Variants in PARM1 observed in about 807,000 individuals in gnomAD.
The protein encoded by PARM1 is prostate androgen-regulated mucin-like protein 1.
PARM1 carries 14 observed loss-of-function variants against 24.6 expected under a neutral mutation model. The ratio of observed to expected loss-of-function variants is 0.57; its 90% confidence interval spans 0.38 to 0.89. PARM1 has a LOEUF of 0.89. Among genes scored for constraint, PARM1 ranks in the 40% least tolerant of loss-of-function variants. The pLI is 0.00. For synonymous variants in PARM1, 179 were observed against 156.6 expected (o/e 1.14, Z -1.07); for missense variants, 362 against 380.4 (o/e 0.95, Z 0.40).
At position 75,035,500 on chromosome 4, in the gene PARM1, C is replaced by G. The variant is rs1241570245; in HGVS notation, c.848+1539C>G. Among the ~76,000 whole-genome samples, 4 of 152,222 alleles carry G rather than the reference C, an allele frequency of 2.6e-5. No individual in the cohort carries two copies. The East Asian group carries it at 7.7e-4, about 29-fold the overall frequency. On this transcript the variant is annotated intron_variant, in intron 3 of 3. Coordinates refer to ENST00000307428, the MANE Select transcript of PARM1 (RefSeq NM_015393.4). The stretch of plus-strand genomic sequence containing the variant: ...AAGAGGCTGTGCCACCCTGTCCTTC[C>G]CTCCTGCTCTTGACCCCACGTGGAG...
At chr4:75,010,444 C>T (rs1045412844) in intron 1 of PARM1, among the ~76,000 whole-genome samples, 4 of 151,990 alleles carry the variant, frequency 2.6e-5, no homozygotes, top group African/African-American at 9.7e-5. Flanking sequence ...GATGGTTGCA[C>T]AATATGTATA....
chr4:75,014,192 G>A (rs760742398), intron 2 of PARM1, among the ~76,000 whole-genome samples: 7 of 152,154 alleles, frequency 4.6e-5, no homozygotes, highest in Non-Finnish European at 1.0e-4. Context: ...CATCCATCAC[G>A]AATGGAAACT....
At chr4:74,936,698 A>G (rs1005317100) in intron 1 of PARM1, among the ~76,000 whole-genome samples, 7 of 151,782 alleles carry the variant, frequency 4.6e-5, no homozygotes, top group Non-Finnish European at 2.9e-5. Context: ...CTCGTGATCC[A>G]CCAGCCTCGG....
intron 1 of PARM1, among the ~76,000 whole-genome samples, chr4:75,007,063 A>C (rs1237611892): frequency 6.6e-6 from 1 of 152,240 alleles, no homozygotes; most frequent in African/African-American, 2.4e-5. Flanking sequence ...AAGTGGGCGA[A>C]GGATATGAAC....
At chr4:75,008,731 GCT>G (rs1348761416) in intron 1 of PARM1, among the ~76,000 whole-genome samples, 6 of 152,144 alleles carry the variant, frequency 3.9e-5, no homozygotes, top group Non-Finnish European at 1.5e-5. Context: ...CTGAGTATGA[GCT>G]CTCTGAGGGA....
At chr4:74,977,255 G>A (rs1395533206) in intron 1 of PARM1, among the ~76,000 whole-genome samples, 2 of 152,184 alleles carry the variant, frequency 1.3e-5, no homozygotes, top group African/African-American at 4.8e-5. Context: ...CCAGTTTAGA[G>A]AGGAACATAA....
chr4:74,941,096 G>C (rs1721299513), intron 1 of PARM1, among the ~76,000 whole-genome samples: 1 of 152,140 alleles, frequency 6.6e-6, no homozygotes, highest in South Asian at 2.1e-4. Context: ...TGCTATTAAT[G>C]AACATTGCCG....
chr4:75,005,908 T>C (rs1464405470), intron 1 of PARM1, among the ~76,000 whole-genome samples: 1 of 152,220 alleles, frequency 6.6e-6, no homozygotes, highest in Non-Finnish European at 1.5e-5. Flanking sequence ...GTCTAAGAGA[T>C]GCCCTTCCCT....
chr4:75,032,981 T>C (rs954376677), intron 2 of PARM1, among the ~76,000 whole-genome samples: 1 of 152,208 alleles, frequency 6.6e-6, no homozygotes, highest in Non-Finnish European at 1.5e-5. Context: ...CTAAAGTATA[T>C]TCATTATTAA....
intron 1 of PARM1, among the ~76,000 whole-genome samples, chr4:75,007,775 G>A (rs540464294): frequency 6.6e-5 from 10 of 152,230 alleles, no homozygotes; most frequent in South Asian, 2.1e-4. Context: ...ATGTGGGTGG[G>A]GCCCTTATGA....
chr4:74,993,301 T>C (rs1482722142), intron 1 of PARM1, among the ~76,000 whole-genome samples: 1 of 152,122 alleles, frequency 6.6e-6, no homozygotes, highest in Admixed American at 6.6e-5. Context: ...CATTCAAAGA[T>C]CACCAGGGCC....
At chr4:75,039,608 T>A (rs182052704) in intron 3 of PARM1, among the ~76,000 whole-genome samples, 2 of 152,260 alleles carry the variant, frequency 1.3e-5, no homozygotes, top group East Asian at 3.9e-4. Context: ...GTGGGGCCCT[T>A]GCATTTACAT....
intron 1 of PARM1, among the ~76,000 whole-genome samples, chr4:74,986,709 A>G (rs1722362082): frequency 6.6e-6 from 1 of 152,210 alleles, no homozygotes; most frequent in African/African-American, 2.4e-5. Flanking sequence ...GGTAACTGAA[A>G]CATCTGAAAT....
At chr4:75,006,193 GC>G in intron 1 of PARM1, among the ~76,000 whole-genome samples, 1 of 152,142 alleles carries the variant, frequency 6.6e-6, no homozygotes, top group East Asian at 1.9e-4. Flanking sequence ...TGCACAACTT[GC>G]AGGTTTGTTA....
rs1332456639 is a variant in PARM1 at position 74,936,464 on chromosome 4, T to G, written c.43+3094T>G. On this transcript the variant is annotated intron_variant, in intron 1 of 3. Coordinates refer to ENST00000307428, the MANE Select transcript of PARM1 (RefSeq NM_015393.4). ...TTTTTTTTTTGTTTGTTTTTTTGTTTTTTTTTTGAGATGGAGTCTCTCTCT... is the reference window on the plus strand; with the variant it reads ...TTTTTTTTTTGTTTGTTTTTTTGTTGTTTTTTTGAGATGGAGTCTCTCTCT... Among the ~76,000 whole-genome samples the G allele has an allele frequency of 5.4e-5, 8 of 148,032 alleles. No individual in the cohort carries two copies. The South Asian group carries it at 6.6e-4, about 12-fold the overall frequency.
At chr4:75,033,453 T>C (rs1449965779) in intron 2 of PARM1, among the ~76,000 whole-genome samples, 2 of 152,036 alleles carry the variant, frequency 1.3e-5, no homozygotes, top group Non-Finnish European at 2.9e-5. Flanking sequence ...ATCCAAAGTC[T>C]CTCAATATTT....
chr4:75,021,376 C>T (rs543597268), intron 2 of PARM1, among the ~76,000 whole-genome samples: 1 of 152,164 alleles, frequency 6.6e-6, no homozygotes, highest in East Asian at 1.9e-4. Flanking sequence ...TTCCCATAGA[C>T]TCCAAGGCTG....
intron 1 of PARM1, among the ~76,000 whole-genome samples, chr4:74,967,931 C>G (rs1307260186): frequency 6.6e-6 from 1 of 152,210 alleles, no homozygotes; most frequent in Non-Finnish European, 1.5e-5. Flanking sequence ...AAGTGGCAAA[C>G]ACAGAATTCT....
chr4:74,936,193 T>C (rs1041366314), intron 1 of PARM1, among the ~76,000 whole-genome samples: 1 of 152,166 alleles, frequency 6.6e-6, no homozygotes, highest in Admixed American at 6.5e-5. Flanking sequence ...CTCTCAAGGT[T>C]GATTATGGTA....
Sources: gnomAD v4.1 joint callset for allele counts (sites outside exome capture counted in the v4.1 genomes callset) on GRCh38, gnomAD v4.1.1 for gene constraint, MANE v1.5 for transcripts, NCBI Gene and HGNC (gene_info 2026-07-23, HGNC 2026-07-21) for gene names.